Variants in PLD5 observed in about 807,000 individuals in gnomAD.
PLD5 encodes inactive phospholipase D5.
A neutral mutation model predicts 61.1 loss-of-function variants in PLD5; 36 were observed. The observed-to-expected ratio is 0.59, with a 90% CI of 0.45 to 0.78. The LOEUF (loss-of-function observed/expected upper bound fraction) is 0.78. PLD5 is among the 30% of genes least tolerant of loss of function. The pLI, the probability that PLD5 is intolerant of heterozygous loss-of-function variation, is 0.00. For missense variants in PLD5, 515 were observed against 644.4 expected, an observed-to-expected ratio of 0.80 and a Z score of 2.17; for synonymous variants, 243 against 242.8, an observed-to-expected ratio of 1.00 and a Z score of -0.01.
intron 5 of PLD5, among the ~76,000 whole-genome samples, chr1:242,144,109 T>A (rs868232317): frequency 6.6e-6 from 1 of 152,146 alleles, no homozygotes; most frequent in South Asian, 2.1e-4. Context: ...CCTTAAGTGA[T>A]CTGCCCACCT....
At chr1:242,418,749 A>C (rs1664965619) in intron 1 of PLD5, among the ~76,000 whole-genome samples, 2 of 152,158 alleles carry the variant, frequency 1.3e-5, no homozygotes, top group Admixed American at 1.3e-4. Context: ...GATACTCTTA[A>C]ATGTCCACAC....
chr1:242,089,536 C>A lies in PLD5; in HGVS notation c.*318G>T, dbSNP rs1182294273. On this transcript the variant is annotated 3_prime_UTR_variant, in exon 10 of 10. Coordinates refer to ENST00000536534, the MANE Select transcript of PLD5 (RefSeq NM_001372062.1). ...TCATGCTAAGCTTCCTAACAACTGA[C>A]CGGGTAGGTCAGCAGAAAAAGTTCT... 1 of 499,646 alleles carries A rather than the reference C, an allele frequency of 2.0e-6. No homozygotes were observed. 31.0% of individuals were successfully genotyped at this position (499,646 alleles called of 1,614,324 possible). A position where few individuals can be genotyped will look rare whatever the true frequency, so the allele number is the denominator to read the frequency against.
At chr1:242,128,669 C>A in intron 5 of PLD5, among the ~76,000 whole-genome samples, 1 of 152,102 alleles carries the variant, frequency 6.6e-6, no homozygotes, top group East Asian at 1.9e-4. Context: ...AACTGACACC[C>A]AGAAGGGTAC....
At chr1:242,407,769 G>T (rs777280996) in intron 1 of PLD5, among the ~76,000 whole-genome samples, 1 of 151,918 alleles carries the variant, frequency 6.6e-6, no homozygotes, top group Non-Finnish European at 1.5e-5. Context: ...AGTAGAGATG[G>T]AGTTTCACCA....
At chr1:242,170,445 T>C (rs1236333281) in intron 5 of PLD5, among the ~76,000 whole-genome samples, 5 of 152,270 alleles carry the variant, frequency 3.3e-5, no homozygotes, top group African/African-American at 7.2e-5. Flanking sequence ...TCCATGAAGA[T>C]GGGGAGAAAC....
At position 242,222,053 on chromosome 1, in the gene PLD5, T is replaced by C. The variant is rs190827756; in HGVS notation, c.608-1938A>G. Reference sequence around the variant, plus strand: ...TCCTTGCCTCTTCTGGTGGTGCCCATTCATCTCTGAGGTTTCTCGGCTTGT... The same window carrying C: ...TCCTTGCCTCTTCTGGTGGTGCCCACTCATCTCTGAGGTTTCTCGGCTTGT... On this transcript the variant is annotated intron_variant, in intron 4 of 9. Transcript: ENST00000536534. 2.4e-4 allele frequency among the ~76,000 whole-genome samples: 36 copies of C among 152,142 alleles called. 1 individual carries two copies. The highest frequency in any genetic ancestry group is 8.7e-4 in the African/African-American group (36 of 41,506).
chr1:242,174,893 C>T (rs938104909), intron 5 of PLD5, among the ~76,000 whole-genome samples: 4 of 151,964 alleles, frequency 2.6e-5, no homozygotes, highest in East Asian at 1.9e-4. Flanking sequence ...ACACCGGGGC[C>T]GGTCATGAGG....
At chr1:242,201,013 G>A (rs940103324) in intron 5 of PLD5, among the ~76,000 whole-genome samples, 1 of 152,218 alleles carries the variant, frequency 6.6e-6, no homozygotes, top group African/African-American at 2.4e-5. Flanking sequence ...CAATTCAGAA[G>A]TGGATGAGTA....
intron 2 of PLD5, among the ~76,000 whole-genome samples, chr1:242,338,275 A>G (rs1354042061): frequency 3.3e-5 from 5 of 152,114 alleles, no homozygotes; most frequent in Non-Finnish European, 5.9e-5. Flanking sequence ...CCCTCCATCA[A>G]TGTTCCTATT....
At chr1:242,382,140 C>CAAAAAAAAAA (rs771218262) in intron 1 of PLD5, among the ~76,000 whole-genome samples, 10 of 99,192 alleles carry the variant, frequency 1.0e-4, no homozygotes, top group Admixed American at 8.5e-4. Flanking sequence ...AAAAAAAAAA[C>CAAAAAAAAAA]AAAACAAAAA....
At chr1:242,329,434 C>T (rs1659033196) in intron 2 of PLD5, among the ~76,000 whole-genome samples, 1 of 152,204 alleles carries the variant, frequency 6.6e-6, no homozygotes, top group South Asian at 2.1e-4. Context: ...TGCCAGCCCA[C>T]TCTGTATCAC....
chr1:242,292,260 C>A (rs1404038206), intron 2 of PLD5, among the ~76,000 whole-genome samples: 1 of 152,080 alleles, frequency 6.6e-6, no homozygotes, highest in Admixed American at 6.5e-5. Flanking sequence ...AAAAAACAAT[C>A]CAATAAACAA....
intron 4 of PLD5, among the ~76,000 whole-genome samples, chr1:242,226,488 CT>C (rs1283629386): frequency 1.3e-5 from 2 of 152,204 alleles, no homozygotes; most frequent in Non-Finnish European, 2.9e-5. Context: ...AGAGTATATC[CT>C]TTCTATTGTT....
intron 4 of PLD5, among the ~76,000 whole-genome samples, chr1:242,252,820 T>A (rs1364435502): frequency 5.1e-4 from 75 of 147,514 alleles, no homozygotes; most frequent in African/African-American, 1.8e-3. Context: ...CAGTGCCTTT[T>A]TTTTTTTTTT....
At chr1:242,244,431 AT>A (rs1418505757) in intron 4 of PLD5, among the ~76,000 whole-genome samples, 2 of 152,230 alleles carry the variant, frequency 1.3e-5, no homozygotes, top group Admixed American at 1.3e-4. Flanking sequence ...CGTAAGGCCG[AT>A]TAGATACTGA....
intron 1 of PLD5, among the ~76,000 whole-genome samples, chr1:242,351,427 G>A (rs1660471067): frequency 6.6e-6 from 1 of 152,148 alleles, no homozygotes; most frequent in South Asian, 2.1e-4. Context: ...GGAGGTAATT[G>A]AATCATGGGG....
At chr1:242,190,138 C>CTTTTTTTT (rs902616187) in intron 5 of PLD5, among the ~76,000 whole-genome samples, 11 of 74,400 alleles carry the variant, frequency 1.5e-4, no homozygotes, top group Admixed American at 2.1e-4. Flanking sequence ...GACAGGACTC[C>CTTTTTTTT]TTTTTTTTTT....
chr1:242,413,629 T>A (rs1413715365), intron 1 of PLD5, among the ~76,000 whole-genome samples: 1 of 152,148 alleles, frequency 6.6e-6, no homozygotes, highest in Non-Finnish European at 1.5e-5. Flanking sequence ...TTTAATACAA[T>A]GTGAGTGCAT....
intron 3 of PLD5, among the ~76,000 whole-genome samples, chr1:242,270,788 G>GCAA (rs1674018393): frequency 6.6e-6 from 1 of 152,190 alleles, no homozygotes; most frequent in Non-Finnish European, 1.5e-5. Flanking sequence ...GAGGGGAGAG[G>GCAA]CCTCCTTTGG....
Sources: allele counts gnomAD v4.1 joint callset (sites outside exome capture counted in the v4.1 genomes callset), GRCh38; gene constraint gnomAD v4.1.1; transcripts MANE v1.5; gene names NCBI Gene and HGNC (gene_info 2026-07-23, HGNC 2026-07-21).